The following SORCS1 variants were observed in gnomAD, a reference collection of about 807,000 sequenced individuals.
SORCS1 encodes sortilin related VPS10 domain containing receptor 1.
A neutral mutation model predicts 146.1 loss-of-function variants in SORCS1; 60 were observed. That is an observed-to-expected ratio of 0.41 (90% confidence interval 0.33 to 0.51). SORCS1 has a LOEUF of 0.51. Among genes scored for constraint, SORCS1 ranks in the 20% least tolerant of loss-of-function variants. The pLI is 0.21. For synonymous variants in SORCS1, 637 were observed against 584.0 expected (o/e 1.09, Z -1.31); for missense variants, 1,352 against 1,487.6 (o/e 0.91, Z 1.50).
chr10:106,843,067 A>T (rs1949122992), intron 2 of SORCS1, among the ~76,000 whole-genome samples: 1 of 152,226 alleles, frequency 6.6e-6, no homozygotes, highest in African/African-American at 2.4e-5. Flanking sequence ...CTACTTAATT[A>T]TATGTCCATT....
At chr10:106,678,373 C>T (rs975869401) in intron 12 of SORCS1, among the ~76,000 whole-genome samples, 1 of 152,118 alleles carries the variant, frequency 6.6e-6, no homozygotes, top group Non-Finnish European at 1.5e-5. Flanking sequence ...CTTCCTCCTC[C>T]GCTCAAAATA....
At chr10:107,173,854 G>T in the SORCS1 span, among the ~76,000 whole-genome samples, 1 of 152,176 alleles carries the variant, frequency 6.6e-6, no homozygotes. Flanking sequence ...GTGACTACGT[G>T]TGTGTGATTG....
At chr10:107,027,543 G>A (rs575814993) in intron 1 of SORCS1, among the ~76,000 whole-genome samples, 1 of 152,118 alleles carries the variant, frequency 6.6e-6, no homozygotes, top group Non-Finnish European at 1.5e-5. Context: ...CAGGGAACTT[G>A]CTGTGTGATA....
chr10:106,776,184 G>A (rs567664558), intron 4 of SORCS1, among the ~76,000 whole-genome samples: 2 of 152,112 alleles, frequency 1.3e-5, no homozygotes, highest in Non-Finnish European at 2.9e-5. Flanking sequence ...AAAGCCATGG[G>A]TCTTTCACCA....
chr10:106,980,397 A>G (rs1956203445), intron 1 of SORCS1, among the ~76,000 whole-genome samples: 1 of 152,258 alleles, frequency 6.6e-6, no homozygotes, highest in Non-Finnish European at 1.5e-5. Context: ...GTTGCCTTCT[A>G]TCTTGGAGAA....
At chr10:106,759,195 C>T (rs150748300) in intron 5 of SORCS1, among the ~76,000 whole-genome samples, 2 of 152,104 alleles carry the variant, frequency 1.3e-5, no homozygotes, top group South Asian at 2.1e-4. Context: ...TTATGTACTT[C>T]GGTGATCTAT....
intron 1 of SORCS1, among the ~76,000 whole-genome samples, chr10:107,104,876 A>G (rs1306350201): frequency 1.3e-5 from 2 of 152,248 alleles, no homozygotes; most frequent in Non-Finnish European, 2.9e-5. Flanking sequence ...AGAGCTGGCA[A>G]GTGTGAAACA....
At chr10:106,732,352 C>G (rs1458609342) in intron 5 of SORCS1, among the ~76,000 whole-genome samples, 1 of 152,124 alleles carries the variant, frequency 6.6e-6, no homozygotes, top group Non-Finnish European at 1.5e-5. Context: ...AGTACTGCAG[C>G]GACTACTAGG....
chr10:106,594,567 A>T (rs1204131714), intron 24 of SORCS1, among the ~76,000 whole-genome samples: 1 of 152,226 alleles, frequency 6.6e-6, no homozygotes, highest in African/African-American at 2.4e-5. Flanking sequence ...AAAAAGAGTG[A>T]AATGTGAATG....
At chr10:106,676,222 G>A (rs891325727) in intron 13 of SORCS1, among the ~76,000 whole-genome samples, 1 of 152,118 alleles carries the variant, frequency 6.6e-6, no homozygotes, top group Non-Finnish European at 1.5e-5. Context: ...CATATACGGA[G>A]AGAACCACTT....
intron 15 of SORCS1, among the ~76,000 whole-genome samples, chr10:106,672,164 G>T (rs990299963): frequency 6.6e-6 from 1 of 152,138 alleles, no homozygotes; most frequent in Non-Finnish European, 1.5e-5. Flanking sequence ...ATATTACTTA[G>T]TCTAGGTTTG....
chr10:106,857,367 C>T (rs1209154788), intron 2 of SORCS1, among the ~76,000 whole-genome samples: 1 of 152,192 alleles, frequency 6.6e-6, no homozygotes, highest in Admixed American at 6.5e-5. Context: ...AGCAAAGACT[C>T]AGGCTATAGA....
intron 7 of SORCS1, 135 bp downstream of exon 7, chr10:106,709,088 C>T (rs917242710): frequency 1.4e-5 from 9 of 630,610 alleles, no homozygotes; most frequent in African/African-American, 7.5e-5. Flanking sequence ...AGTGATTTTC[C>T]CCTCTCTCCC....
intron 1 of SORCS1, among the ~76,000 whole-genome samples, chr10:107,042,421 TG>T: frequency 6.6e-6 from 1 of 152,200 alleles, no homozygotes; most frequent in East Asian, 1.9e-4. Flanking sequence ...AGAATCAGGC[TG>T]GTAAATAAGT....
chr10:107,052,277 A>G (rs1415453165), intron 1 of SORCS1, among the ~76,000 whole-genome samples: 1 of 152,144 alleles, frequency 6.6e-6, no homozygotes, highest in Non-Finnish European at 1.5e-5. Flanking sequence ...CTCAGGGATG[A>G]CACTCCAGTC....
chr10:106,883,934 T>A, intron 2 of SORCS1, among the ~76,000 whole-genome samples: 1 of 152,202 alleles, frequency 6.6e-6, no homozygotes, highest in East Asian at 1.9e-4. Context: ...TTGCTCAAAA[T>A]TCATAATACA....
intron 23 of SORCS1, among the ~76,000 whole-genome samples, chr10:106,600,089 C>T (rs952916377): frequency 2.6e-5 from 4 of 152,092 alleles, no homozygotes; most frequent in Non-Finnish European, 4.4e-5. Flanking sequence ...TGTGCCTGGC[C>T]GCAATATTTG....
intron 6 of SORCS1, 24 bp from the exon 7 acceptor site, chr10:106,709,365 A>C: frequency 6.6e-7 from 1 of 1,508,914 alleles, no homozygotes; most frequent in Non-Finnish European, 9.2e-7. Flanking sequence ...ACAAAAACAA[A>C]AACATGGGGT....
At chr10:106,965,972 T>C (rs1029090462) in intron 1 of SORCS1, among the ~76,000 whole-genome samples, 1 of 152,218 alleles carries the variant, frequency 6.6e-6, no homozygotes, top group African/African-American at 2.4e-5. Context: ...TTTTAAAATT[T>C]AATTATTACG....
Sources: allele counts gnomAD v4.1 joint callset (sites outside exome capture counted in the v4.1 genomes callset), GRCh38; gene constraint gnomAD v4.1.1; transcripts MANE v1.5; gene names NCBI Gene and HGNC (gene_info 2026-07-23, HGNC 2026-07-21).